ANO2: variants seen among roughly 807,000 people sequenced by gnomAD.
ANO2 encodes anoctamin-2.
In ANO2, 101 loss-of-function variants were observed where a neutral mutation model predicts 124.2. The observed-to-expected ratio is 0.81, with a 90% CI of 0.69 to 0.96. ANO2 has a LOEUF of 0.96. Among genes scored for constraint, ANO2 ranks in the 40% least tolerant of loss-of-function variants. The probability of loss-of-function intolerance (pLI) is 0.00; values close to 1 mark genes in which losing one functional copy is unlikely to be tolerated. For synonymous variants in ANO2, 486 were observed against 482.5 expected (o/e 1.01, Z -0.09); for missense variants, 1,293 against 1,274.5 (o/e 1.01, Z -0.22).
chr12:5,905,834 C>T (rs1429363283), intron 3 of ANO2, among the ~76,000 whole-genome samples: 1 of 152,168 alleles, frequency 6.6e-6, no homozygotes, highest in Admixed American at 6.5e-5. Context: ...CTTTCCCCAA[C>T]AGGTCACCAA....
In ANO2 at chr12:5,614,802, C is replaced by CGT. The variant is rs1489862673; in HGVS notation, c.1928+382_1928+383dup. Among the ~76,000 whole-genome samples the CGT allele has an allele frequency of 2.0e-5, 3 of 152,134 alleles. No individual in the cohort carries two copies. The East Asian group carries it at 5.8e-4, about 29-fold the overall frequency. ...AAATGAGGGAAGTCTTGTGAGGGGC[C>CGT]GTGCCCTTAACCTATGAAATCTGTA... On this transcript the variant is annotated intron_variant, in intron 17 of 24. Transcript: ENST00000682330.
chr12:5,593,997 C>A (rs867598474), intron 20 of ANO2, among the ~76,000 whole-genome samples: 1 of 152,058 alleles, frequency 6.6e-6, no homozygotes, highest in Non-Finnish European at 1.5e-5. Context: ...AAGAGATGAA[C>A]GAAACCTAAT....
chr12:5,600,194 A>G (rs7133589), intron 19 of ANO2, among the ~76,000 whole-genome samples: 124,933 of 152,108 alleles, frequency 0.82, 51,724 homozygotes, highest in Admixed American at 0.9. Flanking sequence ...TAGATTAAAT[A>G]AGGTCAAAAA....
intron 2 of ANO2, 47 bp from the exon 3 acceptor site, chr12:5,921,413 G>A (rs368251534): frequency 2.7e-5 from 42 of 1,563,882 alleles, no homozygotes; most frequent in Non-Finnish European, 3.6e-5. Context: ...GTGAGTAAGG[G>A]GTGAGAAACA....
chr12:5,598,611 T>G (rs957561482), intron 20 of ANO2, among the ~76,000 whole-genome samples: 1 of 152,186 alleles, frequency 6.6e-6, no homozygotes, highest in African/African-American at 2.4e-5. Flanking sequence ...CTGCCTCTGC[T>G]TCCCAAAGTG....
chr12:5,758,919 T>C (rs1262500843), intron 10 of ANO2, among the ~76,000 whole-genome samples: 1 of 151,922 alleles, frequency 6.6e-6, no homozygotes, highest in African/African-American at 2.4e-5. Context: ...AATGATGCAA[T>C]AGGGATTTTT....
intron 14 of ANO2, among the ~76,000 whole-genome samples, chr12:5,710,424 G>C (rs745846776): frequency 6.6e-6 from 1 of 152,170 alleles, no homozygotes; most frequent in African/African-American, 2.4e-5. Flanking sequence ...ATTTCCAAAA[G>C]AATATTTGAT....
intron 10 of ANO2, among the ~76,000 whole-genome samples, chr12:5,757,681 A>AAAT (rs1172782982): frequency 1.3e-5 from 2 of 152,220 alleles, no homozygotes; most frequent in African/African-American, 4.8e-5. Context: ...ATAATCTGTG[A>AAAT]AATTATAACT....
At chr12:5,714,785 T>A (rs917021248) in intron 14 of ANO2, among the ~76,000 whole-genome samples, 1 of 152,214 alleles carries the variant, frequency 6.6e-6, no homozygotes, top group Non-Finnish European at 1.5e-5. Flanking sequence ...CGTGCGATAG[T>A]TAAGAATGTG....
rs541224137 is a variant in ANO2 at position 5,788,693 on chromosome 12, G to T, written c.1055+10814C>A. Among the ~76,000 whole-genome samples, 18 of 152,192 alleles carry T rather than the reference G, an allele frequency of 1.2e-4. No homozygotes were observed. In the East Asian group the frequency reaches 3.3e-3, roughly 28 times the overall value. Reference sequence around the variant, plus strand: ...CTTGCCTCAGCTTCCTGAGTAGCTGGGATTACAGGCACCCGCCACCACACC... The same window carrying T: ...CTTGCCTCAGCTTCCTGAGTAGCTGTGATTACAGGCACCCGCCACCACACC... On this transcript the variant is annotated intron_variant, in intron 10 of 24. Transcript: ENST00000682330.
intron 16 of ANO2, among the ~76,000 whole-genome samples, chr12:5,616,969 C>T (rs1944845249): frequency 6.6e-6 from 1 of 151,770 alleles, no homozygotes; most frequent in Non-Finnish European, 1.5e-5. Context: ...AACACACTCT[C>T]CAGATCACAC....
chr12:5,834,206 G>C (rs1401925521), intron 4 of ANO2, among the ~76,000 whole-genome samples: 2 of 152,214 alleles, frequency 1.3e-5, no homozygotes, highest in East Asian at 3.8e-4. Flanking sequence ...TGAAATGACT[G>C]TTGCTTTAGG....
intron 10 of ANO2, among the ~76,000 whole-genome samples, chr12:5,790,249 T>A (rs1565671242): frequency 6.6e-6 from 1 of 152,108 alleles, no homozygotes; most frequent in Non-Finnish European, 1.5e-5. Context: ...GAACTGAAAC[T>A]CCTTGTGCCC....
At chr12:5,723,213 G>T (rs1027302356) in intron 14 of ANO2, among the ~76,000 whole-genome samples, 1 of 152,168 alleles carries the variant, frequency 6.6e-6, no homozygotes, top group Non-Finnish European at 1.5e-5. Flanking sequence ...CACCTCCCCA[G>T]AGTCCAGCTG....
intron 10 of ANO2, 45 bp downstream of exon 10, chr12:5,799,462 C>A: frequency 2.0e-6 from 3 of 1,518,030 alleles, no homozygotes; most frequent in Non-Finnish European, 2.7e-6. Flanking sequence ...TCTTTCAGGA[C>A]TTGCATCTCC....
chr12:5,827,683 C>T (rs1043160469), intron 7 of ANO2, 86 bp downstream of exon 7: 2 of 1,457,406 alleles, frequency 1.4e-6, no homozygotes, highest in East Asian at 2.4e-5. Flanking sequence ...TTGTTCTTTG[C>T]TGCCGACCAA....
At chr12:5,611,497 T>TC (rs1208426903) in intron 19 of ANO2, among the ~76,000 whole-genome samples, 1 of 152,084 alleles carries the variant, frequency 6.6e-6, no homozygotes, top group African/African-American at 2.4e-5. Context: ...CCCCTGCAAG[T>TC]CCCCCTACAG....
At chr12:5,695,997 C>T (rs926374091) in intron 14 of ANO2, among the ~76,000 whole-genome samples, 3 of 151,738 alleles carry the variant, frequency 2.0e-5, no homozygotes, top group Non-Finnish European at 4.4e-5. Context: ...TGTTGAGTTA[C>T]AGGGGGAAAA....
At chr12:5,861,677 G>C (rs1040833516) in intron 3 of ANO2, among the ~76,000 whole-genome samples, 1 of 152,148 alleles carries the variant, frequency 6.6e-6, no homozygotes, top group Admixed American at 6.5e-5. Context: ...ATCGGCGCCC[G>C]GGAATGGCGC....
Sources: gnomAD v4.1 joint callset for allele counts (sites outside exome capture counted in the v4.1 genomes callset) on GRCh38, gnomAD v4.1.1 for gene constraint, MANE v1.5 for transcripts, NCBI Gene and HGNC (gene_info 2026-07-23, HGNC 2026-07-21) for gene names.